ADNP2: variants seen among roughly 807,000 people sequenced by gnomAD.
ADNP2 encodes ADNP homeobox 2.
ADNP2 carries 8 observed loss-of-function variants against 16.4 expected under a neutral mutation model. The observed-to-expected ratio is 0.49, with a 90% CI of 0.29 to 0.88. The LOEUF is 0.88. Among genes scored for constraint, ADNP2 ranks in the 40% least tolerant of loss-of-function variants. ADNP2 has a pLI of 0.09. For synonymous variants in ADNP2, 637 were observed against 545.8 expected (o/e 1.17, Z -2.33); for missense variants, 1,397 against 1,395.1 (o/e 1.00, Z -0.02).
intron 2 of ADNP2, among the ~76,000 whole-genome samples, chr18:80,130,597 C>T (rs973948351): frequency 2.6e-5 from 4 of 152,090 alleles, no homozygotes; most frequent in African/African-American, 9.7e-5. Context: ...TCTTGTACAC[C>T]TTCTCAGTGT....
chr18:80,137,120 G>T lies in ADNP2; in HGVS notation c.1707G>T (p.Gln569His). 1 of 1,614,212 alleles carries T rather than the reference G, an allele frequency of 6.2e-7. No homozygotes were observed. The highest frequency in any genetic ancestry group is 1.1e-5 in the South Asian group (1 of 91,086). The change falls in exon 4 of 4, where the codon CAG becomes CAT. Residue 569 changes from glutamine to histidine, a missense_variant. Around this residue, in one of 3 missense-constraint regions of ADNP2, gnomAD observed 777 missense variants for 719.4 expected, o/e 1.08. Coordinates refer to ENST00000262198, the MANE Select transcript of ADNP2 (RefSeq NM_014913.4). The surrounding 1 kb of genome is among the most constrained non-coding windows in gnomAD (Gnocchi z 4.2). ...GGCCTGGGGTCTTGCAACTCAACCA[G>T]ACTGTGGGCACCAACATTCTGCCTG... Reference protein sequence around the residue: ...PVRPGVLQLNQTVGTNILPVN... With the variant: ...PVRPGVLQLNHTVGTNILPVN...
At chr18:80,116,332 G>A (rs1327970130) in intron 1 of ADNP2, among the ~76,000 whole-genome samples, 1 of 152,198 alleles carries the variant, frequency 6.6e-6, no homozygotes, top group African/African-American at 2.4e-5. Flanking sequence ...TGACTGAATA[G>A]TGTTGTCATG....
At chr18:80,128,493 T>C (rs893882996) in intron 2 of ADNP2, among the ~76,000 whole-genome samples, 1 of 151,974 alleles carries the variant, frequency 6.6e-6, no homozygotes, top group African/African-American at 2.4e-5. Flanking sequence ...CTACTAAAAA[T>C]ACAAAAATTA....
chr18:80,130,992 C>A (rs1031876428), intron 2 of ADNP2, among the ~76,000 whole-genome samples: 2 of 152,158 alleles, frequency 1.3e-5, no homozygotes, highest in African/African-American at 2.4e-5. Flanking sequence ...GTGATGACTG[C>A]GAAAGGATGA....
intron 1 of ADNP2, among the ~76,000 whole-genome samples, chr18:80,115,659 G>T (rs1463953901): frequency 1.3e-5 from 2 of 152,194 alleles, no homozygotes; most frequent in African/African-American, 4.8e-5. Flanking sequence ...AGTTTGAAGT[G>T]TACAGTGAAT....
intron 2 of ADNP2, among the ~76,000 whole-genome samples, chr18:80,118,780 TTAC>T (rs2052405319): frequency 6.6e-6 from 1 of 152,204 alleles, no homozygotes; most frequent in Non-Finnish European, 1.5e-5. Context: ...TCACGGCTGT[TTAC>T]TTTTTTTTCC....
At chr18:80,131,569 CTTTT>C (rs34075834) in intron 2 of ADNP2, among the ~76,000 whole-genome samples, 1 of 113,534 alleles carries the variant, frequency 8.8e-6, no homozygotes, top group Non-Finnish European at 1.8e-5. Flanking sequence ...GATGAAGATT[CTTTT>C]TTTTTTTTTT....
rs2052564291 is a variant in ADNP2, at chr18:80,139,077, T to A, written c.*268T>A. ...CATGTAAATGAAATCTTTTGATATT[T>A]CATGCACGCCTTGTTTTCCCACTAG... On this transcript the variant is annotated 3_prime_UTR_variant, in exon 4 of 4. Coordinates refer to ENST00000262198, the MANE Select transcript of ADNP2 (RefSeq NM_014913.4). 2 of 321,028 alleles carry A rather than the reference T, an allele frequency of 6.2e-6. No homozygotes were observed. The highest frequency in any genetic ancestry group is 1.1e-5 in the Non-Finnish European group (2 of 178,106). The allele number at this position is 321,028 out of a possible 1,614,324, so 19.9% of individuals were successfully genotyped here. A position where few individuals can be genotyped will look rare whatever the true frequency, so the allele number is the denominator to read the frequency against.
intron 2 of ADNP2, among the ~76,000 whole-genome samples, chr18:80,131,564 AGAT>A (rs1470151440): frequency 9.0e-6 from 1 of 111,382 alleles, no homozygotes; most frequent in African/African-American, 3.7e-5. Flanking sequence ...TTCAAGATGA[AGAT>A]TCTTTTTTTT....
chr18:80,133,640 T>A (rs76093013), intron 3 of ADNP2: 3,951 of 176,994 alleles, frequency 0.022, 64 homozygotes, highest in Non-Finnish European at 0.034. Context: ...ACATGAGCCA[T>A]ACTGCTGAAT....
chr18:80,116,661 G>A (rs2052391486), intron 1 of ADNP2, among the ~76,000 whole-genome samples: 3 of 151,908 alleles, frequency 2.0e-5, no homozygotes, highest in Admixed American at 2.0e-4. Context: ...TTTTAAGATA[G>A]GGTCTCACTC....
At chr18:80,129,960 G>C (rs991112699) in intron 2 of ADNP2, among the ~76,000 whole-genome samples, 6 of 152,180 alleles carry the variant, frequency 3.9e-5, no homozygotes, top group Admixed American at 1.3e-4. Context: ...GAAATATAGT[G>C]CCTCTGGGAA....
chr18:80,120,268 C>T (rs2052415861), intron 2 of ADNP2, among the ~76,000 whole-genome samples: 1 of 152,004 alleles, frequency 6.6e-6, no homozygotes, highest in Non-Finnish European at 1.5e-5. Flanking sequence ...ATCCCTTGAG[C>T]ACAGGCTTTG....
chr18:80,123,760 C>T (rs1461160901), intron 2 of ADNP2, among the ~76,000 whole-genome samples: 5 of 150,036 alleles, frequency 3.3e-5, no homozygotes, highest in African/African-American at 4.9e-5. Flanking sequence ...GACAGAGTCT[C>T]GCTCTGTCGC....
chr18:80,124,242 A>C (rs535492216), intron 2 of ADNP2, among the ~76,000 whole-genome samples: 1 of 152,318 alleles, frequency 6.6e-6, no homozygotes, highest in Non-Finnish European at 1.5e-5. Flanking sequence ...AGTTGTTCCT[A>C]ATAATCTGTC....
At chr18:80,135,127 T>C (rs1439855582) in intron 3 of ADNP2, among the ~76,000 whole-genome samples, 3 of 152,214 alleles carry the variant, frequency 2.0e-5, no homozygotes, top group African/African-American at 7.2e-5. Flanking sequence ...TAAGTAATTA[T>C]ATTTGTGGTT....
intron 2 of ADNP2, among the ~76,000 whole-genome samples, chr18:80,125,632 G>T (rs1159352494): frequency 6.6e-6 from 1 of 151,676 alleles, no homozygotes; most frequent in Non-Finnish European, 1.5e-5. Context: ...GACAGAGTGA[G>T]ACTCCGTCTC....
In ADNP2 at chr18:80,137,697, A is replaced by G. The variant is rs2052551024; in HGVS notation, c.2284A>G (p.Ile762Val). The G allele has an allele frequency of 3.1e-6, 5 of 1,614,082 alleles. No homozygotes were observed. The highest frequency in any genetic ancestry group is 4.2e-6 in the Non-Finnish European group (5 of 1,180,052). ...CKCLVSEEEL[I>V]HHLLMHGLGC... ...GTGCTTGGTCTCTGAGGAAGAGCTT[A>G]TACACCACTTGCTGATGCATGGCTT... The change falls in exon 4 of 4, where the codon ATA becomes GTA. Residue 762 changes from isoleucine to valine, a missense_variant. Ile to Val is a conservative substitution (Grantham distance 29, BLOSUM62 3). Coordinates refer to ENST00000262198, the MANE Select transcript of ADNP2 (RefSeq NM_014913.4). This position sits in a 1 kb window ranked among gnomAD's most constrained non-coding sequence, Gnocchi z 4.2.
intron 1 of ADNP2, among the ~76,000 whole-genome samples, chr18:80,113,661 G>T (rs572280862): frequency 2.0e-5 from 3 of 152,100 alleles, no homozygotes; most frequent in African/African-American, 7.2e-5. Context: ...TACGTACTGT[G>T]CTCTGTGATG....
Sources: allele counts gnomAD v4.1 joint callset (sites outside exome capture counted in the v4.1 genomes callset), GRCh38; gene constraint gnomAD v4.1.1; regional missense constraint gnomAD v4.1.1; non-coding constraint Gnocchi (gnomAD v3.1); transcripts MANE v1.5; gene names NCBI Gene and HGNC (gene_info 2026-07-23, HGNC 2026-07-21).